The following CNTNAP2 variants were observed in gnomAD, a reference collection of about 807,000 sequenced individuals.
CNTNAP2 encodes contactin-associated protein-like 2.
In CNTNAP2, 98 loss-of-function variants were observed where a neutral mutation model predicts 155.2. The ratio of observed to expected loss-of-function variants is 0.63; its 90% CI spans 0.54 to 0.75. The LOEUF (loss-of-function observed/expected upper bound fraction) is 0.75. CNTNAP2 is among the 30% of genes least tolerant of loss of function. CNTNAP2 has a pLI of 0.00. For synonymous variants in CNTNAP2, 651 were observed against 631.2 expected (o/e 1.03, Z -0.47); for missense variants, 1,727 against 1,688.1 (o/e 1.02, Z -0.40).
chr7:146,378,653 G>A (rs1185866457), intron 1 of CNTNAP2, among the ~76,000 whole-genome samples: 1 of 152,126 alleles, frequency 6.6e-6, no homozygotes, highest in African/African-American at 2.4e-5. Context: ...GGCAATCCGA[G>A]TCCATACCCT....
intron 1 of CNTNAP2, among the ~76,000 whole-genome samples, chr7:146,753,685 T>C (rs759888269): frequency 2.5e-4 from 38 of 152,044 alleles, no homozygotes; most frequent in Non-Finnish European, 3.5e-4. Context: ...CTGGAAAACA[T>C]TGTCTTGGTA....
At chr7:146,703,913 C>T (rs536994138) in intron 1 of CNTNAP2, among the ~76,000 whole-genome samples, 52 of 152,148 alleles carry the variant, frequency 3.4e-4, no homozygotes, top group Middle Eastern at 3.4e-3. Flanking sequence ...TGTTCCAAGT[C>T]TTCTTTATTT....
intron 13 of CNTNAP2, among the ~76,000 whole-genome samples, chr7:147,702,324 G>C (rs1022519336): frequency 1.3e-5 from 2 of 151,802 alleles, no homozygotes; most frequent in East Asian, 1.9e-4. Context: ...TGAAAGTCTT[G>C]AACAGACTTT....
At chr7:146,787,740 T>G (rs539241993) in intron 2 of CNTNAP2, among the ~76,000 whole-genome samples, 1 of 152,180 alleles carries the variant, frequency 6.6e-6, no homozygotes, top group South Asian at 2.1e-4. Flanking sequence ...TCCTGCTGAT[T>G]GGTCCATTTT....
intron 3 of CNTNAP2, among the ~76,000 whole-genome samples, chr7:146,940,181 G>T (rs1325426020): frequency 4.6e-5 from 7 of 151,510 alleles, no homozygotes; most frequent in Admixed American, 4.6e-4. Context: ...TCATATTTTG[G>T]TCCCTTTCTT....
At chr7:146,149,221 T>A (rs1244029476) in intron 1 of CNTNAP2, among the ~76,000 whole-genome samples, 1 of 152,078 alleles carries the variant, frequency 6.6e-6, no homozygotes, top group Non-Finnish European at 1.5e-5. Flanking sequence ...ATATGGTATC[T>A]TAATAAATAT....
chr7:146,125,958 C>G (rs552185575), intron 1 of CNTNAP2, among the ~76,000 whole-genome samples: 119 of 152,262 alleles, frequency 7.8e-4, no homozygotes, highest in African/African-American at 2.8e-3. Context: ...ACGTAAATAG[C>G]TAATATTTGT....
intron 13 of CNTNAP2, among the ~76,000 whole-genome samples, chr7:147,867,914 G>C (rs572969133): frequency 6.6e-6 from 1 of 152,008 alleles, no homozygotes; most frequent in Non-Finnish European, 1.5e-5. Flanking sequence ...TAGCTCAGAA[G>C]TTTGTTATTA....
intron 1 of CNTNAP2, among the ~76,000 whole-genome samples, chr7:146,734,169 G>A (rs1011316891): frequency 7.2e-5 from 11 of 152,062 alleles, no homozygotes. Flanking sequence ...GGTACAGTAG[G>A]TGAGACAAAT....
intron 9 of CNTNAP2, among the ~76,000 whole-genome samples, chr7:147,305,362 T>G (rs1387087761): frequency 6.6e-6 from 1 of 152,112 alleles, no homozygotes; most frequent in Non-Finnish European, 1.5e-5. Flanking sequence ...TATAGGAAAA[T>G]ACCAACACTC....
intron 1 of CNTNAP2, among the ~76,000 whole-genome samples, chr7:146,558,373 G>A (rs566926603): frequency 6.6e-6 from 1 of 152,240 alleles, no homozygotes; most frequent in South Asian, 2.1e-4. Context: ...AATCAGCATA[G>A]CTGATGGATT....
chr7:147,107,218 T>C (rs1202705665), intron 4 of CNTNAP2, among the ~76,000 whole-genome samples: 1 of 152,208 alleles, frequency 6.6e-6, no homozygotes, highest in African/African-American at 2.4e-5. Flanking sequence ...TTTTGAATCA[T>C]TCTATGAATC....
At chr7:147,918,607 C>T (rs556787536) in intron 14 of CNTNAP2, among the ~76,000 whole-genome samples, 22 of 152,162 alleles carry the variant, frequency 1.4e-4, no homozygotes, top group Admixed American at 1.0e-3. Flanking sequence ...TGGAAGCATG[C>T]TAGTTGTCTT....
Position 146,700,474 on chromosome 7 carries a change from C to T in CNTNAP2, c.98-73797C>T, listed in dbSNP as rs10236942. ...AAATAAGTATGTAGTAACTAGATAACTTCAGTAATCTGAAAGTCTGACCTT... is the reference window on the plus strand; with the variant it reads ...AAATAAGTATGTAGTAACTAGATAATTTCAGTAATCTGAAAGTCTGACCTT... On this transcript the variant is annotated intron_variant, in intron 1 of 23. Coordinates refer to ENST00000361727, the MANE Select transcript of CNTNAP2 (RefSeq NM_014141.6). 6.3e-3 allele frequency among the ~76,000 whole-genome samples: 960 copies of T among 152,132 alleles called. 9 individuals carry two copies. Among genetic ancestry groups the T allele is most frequent in the African/African-American group, 0.022 (918 of 41,528 alleles).
chr7:147,535,056 G>A (rs539404334), intron 11 of CNTNAP2, among the ~76,000 whole-genome samples: 38 of 152,210 alleles, frequency 2.5e-4, no homozygotes, highest in African/African-American at 8.2e-4. Context: ...TATCCAGGGG[G>A]TTATTAAATA....
At position 147,937,325 on chromosome 7, in the gene CNTNAP2, C is replaced by T. The variant is rs1800629306; in HGVS notation, c.2255+33604C>T. 2.0e-5 allele frequency among the ~76,000 whole-genome samples: 3 copies of T among 152,144 alleles called. No individual in the cohort carries two copies. The South Asian group carries it at 6.2e-4, about 31-fold the overall frequency. On this transcript the variant is annotated intron_variant, in intron 14 of 23. Transcript: ENST00000361727. ...ATCTTTAAATTGCCTTTCCCAGCTTCCCACCTAAATACATTCAACCATCAT... is the reference window on the plus strand; with the variant it reads ...ATCTTTAAATTGCCTTTCCCAGCTTTCCACCTAAATACATTCAACCATCAT...
chr7:147,864,408 A>C (rs116177681), intron 13 of CNTNAP2, among the ~76,000 whole-genome samples: 89,496 of 150,966 alleles, frequency 0.59, 26,785 homozygotes, highest in Middle Eastern at 0.7. Flanking sequence ...CTTGGCAATG[A>C]GGGGTCTTTT....
intron 12 of CNTNAP2, among the ~76,000 whole-genome samples, chr7:147,566,169 A>T (rs1800166934): frequency 6.7e-6 from 1 of 150,366 alleles, no homozygotes; most frequent in African/African-American, 2.5e-5. Context: ...GGTGGTGCAA[A>T]CCTGTGGTCC....
chr7:147,055,963 C>T (rs1563059755), intron 4 of CNTNAP2, among the ~76,000 whole-genome samples: 1 of 152,238 alleles, frequency 6.6e-6, no homozygotes, highest in East Asian at 1.9e-4. Context: ...CCTTACTTTT[C>T]GGCCTTATAC....
Sources: gnomAD v4.1 joint callset for allele counts (sites outside exome capture counted in the v4.1 genomes callset) on GRCh38, gnomAD v4.1.1 for gene constraint, MANE v1.5 for transcripts, NCBI Gene and HGNC (gene_info 2026-07-23, HGNC 2026-07-21) for gene names.